HSD17B3: variants seen among roughly 807,000 people sequenced by gnomAD.
HSD17B3 encodes the protein 17-beta-hydroxysteroid dehydrogenase type 3.
In HSD17B3, 29 loss-of-function variants were observed where a neutral mutation model predicts 41.1. The observed-to-expected ratio is 0.71, with a 90% CI of 0.53 to 0.96. The LOEUF is 0.96. HSD17B3 is among the 40% of genes least tolerant of loss of function. HSD17B3 has a pLI of 0.00. For synonymous variants in HSD17B3, 126 were observed against 145.6 expected (o/e 0.87, Z 0.97); for missense variants, 323 against 374.6 (o/e 0.86, Z 1.14).
intron 2 of HSD17B3, among the ~76,000 whole-genome samples, chr9:96,255,538 C>T (rs567451080): frequency 5.9e-5 from 9 of 151,594 alleles, no homozygotes; most frequent in African/African-American, 1.9e-4. Flanking sequence ...TACAGGCATG[C>T]GCCGCCAAGC....
chr9:96,252,975 TCCC>T, intron 3 of HSD17B3, 65 bp from the exon 4 acceptor site: 1 of 982,796 alleles, frequency 1.0e-6, no homozygotes, highest in Non-Finnish European at 1.7e-6. Context: ...CCATGAAGTT[TCCC>T]CCAGTGCTCC....
intron 1 of HSD17B3, 43 bp downstream of exon 1, chr9:96,301,908 G>A (rs758498508): frequency 1.3e-6 from 2 of 1,583,156 alleles, no homozygotes; most frequent in South Asian, 1.1e-5. Context: ...TAACAAGCAG[G>A]AACAACAGCA....
chr9:96,293,966 A>G (rs1454174374), intron 2 of HSD17B3, among the ~76,000 whole-genome samples: 1 of 152,158 alleles, frequency 6.6e-6, no homozygotes, highest in Non-Finnish European at 1.5e-5. Context: ...TCCCAACCTC[A>G]GGCTTTTACC....
At position 96,251,310 on chromosome 9, in the gene HSD17B3, G is replaced by A. The variant is rs535041706; in HGVS notation, c.453+108C>T. 7 of 886,236 alleles carry A rather than the reference G, an allele frequency of 7.9e-6. No individual in the cohort carries two copies. In the Admixed American group the frequency reaches 1.1e-4, roughly 14 times the overall value. 54.9% of individuals were successfully genotyped at this position (886,236 alleles called of 1,614,324 possible). A position where few individuals can be genotyped will look rare whatever the true frequency, so the allele number is the denominator to read the frequency against. ...CTCAATACATACAGTCCAGGATTTC[G>A]GCCAGATGCATGCTTCCATCACGCC... On this transcript the variant is annotated intron_variant, in intron 5 of 10. Transcript: ENST00000375263.
intron 2 of HSD17B3, among the ~76,000 whole-genome samples, chr9:96,260,874 C>A (rs925801838): frequency 1.3e-5 from 2 of 152,186 alleles, no homozygotes; most frequent in African/African-American, 2.4e-5. Context: ...TGACTCCCAT[C>A]CCCCTCAGGT....
At chr9:96,256,536 T>C (rs1453699635) in intron 2 of HSD17B3, among the ~76,000 whole-genome samples, 1 of 152,062 alleles carries the variant, frequency 6.6e-6, no homozygotes, top group Non-Finnish European at 1.5e-5. Context: ...CTGAGCGTGA[T>C]GGCACACGCC....
intron 2 of HSD17B3, among the ~76,000 whole-genome samples, chr9:96,295,276 A>G (rs1827309720): frequency 6.6e-6 from 1 of 151,388 alleles, no homozygotes; most frequent in South Asian, 2.1e-4. Context: ...AAGTGTTGGG[A>G]TTACAGGCGT....
chr9:96,266,520 G>A (rs773951751), intron 2 of HSD17B3, among the ~76,000 whole-genome samples: 8 of 151,872 alleles, frequency 5.3e-5, no homozygotes, highest in Admixed American at 1.3e-4. Flanking sequence ...TCCTCCTGCC[G>A]CAGCCTCCCA....
intron 5 of HSD17B3, 106 bp downstream of exon 5, chr9:96,251,308 TCGGC>T: frequency 1.2e-6 from 1 of 867,776 alleles, no homozygotes. Flanking sequence ...GTCCAGGATT[TCGGC>T]CAGATGCATG....
intron 2 of HSD17B3, among the ~76,000 whole-genome samples, chr9:96,269,490 T>A (rs953624336): frequency 1.3e-5 from 2 of 152,148 alleles, no homozygotes; most frequent in East Asian, 1.9e-4. Flanking sequence ...TGTATTGGAA[T>A]GCTGTAGTAG....
rs1341972830 is a variant in HSD17B3 at position 96,281,927 on chromosome 9, C to CTGCTTGTCTCCTCTGTAAAGTTT, written c.201+16466_201+16488dup. Among the ~76,000 whole-genome samples, 10 of 152,310 alleles carry CTGCTTGTCTCCTCTGTAAAGTTT rather than the reference C, an allele frequency of 6.6e-5. No homozygotes were observed. The East Asian group carries it at 1.9e-3, about 29-fold the overall frequency. On this transcript the variant is annotated intron_variant, in intron 2 of 10. Transcript: ENST00000375263. ...CAAACTGGTTAAATGGTAAAAATCA[C>CTGCTTGTCTCCTCTGTAAAGTTT]TGCTTGTCTCCTCTGTAAAGTTTTG...
chr9:96,241,610 C>A (rs747240064), intron 9 of HSD17B3, among the ~76,000 whole-genome samples: 2 of 152,100 alleles, frequency 1.3e-5, no homozygotes, highest in Non-Finnish European at 2.9e-5. Context: ...GTTTTATTAC[C>A]TTATTCCCAG....
intron 2 of HSD17B3, among the ~76,000 whole-genome samples, chr9:96,291,034 G>A (rs553338419): frequency 2.0e-5 from 3 of 152,082 alleles, no homozygotes; most frequent in African/African-American, 4.8e-5. Context: ...GGTCTTCCAC[G>A]CTGGTGAGGC....
At chr9:96,250,537 C>T (rs1836855595) in intron 5 of HSD17B3, 2 of 942,756 alleles carry the variant, frequency 2.1e-6, no homozygotes, top group South Asian at 5.0e-5. Flanking sequence ...TGGTGTAGCC[C>T]TAATGACTCC....
chr9:96,299,945 C>T (rs1219997208), intron 1 of HSD17B3, among the ~76,000 whole-genome samples: 2 of 152,080 alleles, frequency 1.3e-5, no homozygotes, highest in East Asian at 3.8e-4. Context: ...TCCATCTTGA[C>T]TCATAAAAAC....
chr9:96,261,102 C>T (rs1286791146), intron 2 of HSD17B3, among the ~76,000 whole-genome samples: 2 of 152,138 alleles, frequency 1.3e-5, no homozygotes, highest in African/African-American at 4.8e-5. Flanking sequence ...CAAAAGTTTA[C>T]TTCTTACTCA....
chr9:96,255,483 G>C (rs549525104), intron 2 of HSD17B3, among the ~76,000 whole-genome samples: 5 of 141,086 alleles, frequency 3.5e-5, no homozygotes, highest in African/African-American at 1.3e-4. Flanking sequence ...TCCACCTCCA[G>C]GGTTCAAGCA....
intron 2 of HSD17B3, among the ~76,000 whole-genome samples, chr9:96,262,908 A>T (rs2130747397): frequency 6.6e-6 from 1 of 152,294 alleles, no homozygotes. Flanking sequence ...TTTATCAGTA[A>T]GTGTAACTGT....
At chr9:96,300,209 G>GAAACACACACACACACACACACACAC (rs1827528499) in intron 1 of HSD17B3, among the ~76,000 whole-genome samples, 1 of 116,310 alleles carries the variant, frequency 8.6e-6, no homozygotes, top group Non-Finnish European at 1.8e-5. Flanking sequence ...ACCCCAAGAG[G>GAAACACACACACACACACACACACAC]ACACACACAC....
Sources: allele counts gnomAD v4.1 joint callset (sites outside exome capture counted in the v4.1 genomes callset), GRCh38; gene constraint gnomAD v4.1.1; transcripts MANE v1.5; gene names NCBI Gene and HGNC (gene_info 2026-07-23, HGNC 2026-07-21).